The following POU6F2 variants were observed in gnomAD, a reference collection of about 807,000 sequenced individuals.
The protein encoded by POU6F2 is POU class 6 homeobox 2, also known as POU domain, class 6, transcription factor 2.
Under a neutral mutation model 71.3 loss-of-function variants are expected in POU6F2, and 31 were observed. That is an observed-to-expected ratio of 0.43 (90% CI 0.33 to 0.59). POU6F2 has a LOEUF of 0.59. POU6F2 is among the 20% of genes least tolerant of loss of function. POU6F2 has a pLI of 0.04. For missense variants in POU6F2, 783 were observed against 856.8 expected, an observed-to-expected ratio of 0.91 and a Z score of 1.07; for synonymous variants, 347 against 355.7, an observed-to-expected ratio of 0.98 and a Z score of 0.27.
intron 7 of POU6F2, among the ~76,000 whole-genome samples, chr7:39,444,907 A>G (rs1788487103): frequency 6.6e-6 from 1 of 152,220 alleles, no homozygotes; most frequent in African/African-American, 2.4e-5. Context: ...CAGTATCATT[A>G]AGGCAGGGAG....
At chr7:39,436,922 C>T (rs372034670) in intron 7 of POU6F2, among the ~76,000 whole-genome samples, 6 of 152,110 alleles carry the variant, frequency 3.9e-5, no homozygotes, top group African/African-American at 7.2e-5. Flanking sequence ...CAATGGATTA[C>T]GCTTATTCAT....
In POU6F2 at chr7:39,204,221, C is replaced by T; in HGVS notation, c.278-14C>T. ...GATCATATATTAAGGGAGTATTTCT[C>T]TTTTGAATTCCAGGGGCTAGAGGAA... On this transcript the variant is annotated splice_polypyrimidine_tract_variant and intron_variant, in intron 2 of 9. Transcript: ENST00000518318. The T allele has an allele frequency of 2.5e-6, 4 of 1,608,796 alleles. No individual in the cohort carries two copies. Among genetic ancestry groups the T allele is most frequent in the Non-Finnish European group, 3.4e-6 (4 of 1,175,682 alleles).
In POU6F2 at chr7:39,207,574, A is replaced by C. The variant is rs544859176; in HGVS notation, c.552A>C (p.Ala184=). 1.9e-6 allele frequency: 3 copies of C among 1,614,014 alleles called. No homozygotes were observed. In the East Asian group the frequency reaches 6.7e-5, roughly 36 times the overall value. ...NLTNIQGLVA[A]AAAGGIMTLP... is the part of the protein sequence containing the mutation. Reference sequence around the variant, plus strand: ...CCAACATCCAAGGGCTGGTGGCAGCAGCTGCAGCCGGAGGCATTATGACTC... The same window carrying C: ...CCAACATCCAAGGGCTGGTGGCAGCCGCTGCAGCCGGAGGCATTATGACTC... Residue 184 remains alanine (A), a synonymous_variant, in exon 4 of 10, where the codon GCA becomes GCC. Transcript: ENST00000518318.
At chr7:39,176,031 TC>T (rs1793322168) in intron 2 of POU6F2, among the ~76,000 whole-genome samples, 2 of 152,222 alleles carry the variant, frequency 1.3e-5, no homozygotes, top group African/African-American at 4.8e-5. Context: ...TTCTCATTTT[TC>T]TTTTTGTTTT....
At chr7:39,405,142 A>C (rs931519782) in intron 5 of POU6F2, 1 of 152,238 alleles carries the variant, frequency 6.6e-6, no homozygotes, top group Non-Finnish European at 1.5e-5. Flanking sequence ...AGTTGTGTGA[A>C]ATTTAGTTAT....
At chr7:39,286,251 C>T (rs534150279) in intron 4 of POU6F2, among the ~76,000 whole-genome samples, 1 of 152,262 alleles carries the variant, frequency 6.6e-6, no homozygotes, top group Admixed American at 6.5e-5. Context: ...GACTCTAGAG[C>T]TGTTAACCAA....
At chr7:39,294,629 C>G (rs1784816079) in intron 4 of POU6F2, among the ~76,000 whole-genome samples, 1 of 152,012 alleles carries the variant, frequency 6.6e-6, no homozygotes, top group South Asian at 2.1e-4. Context: ...TGTTGTTTCA[C>G]TAGTTGCTGT....
intron 2 of POU6F2, among the ~76,000 whole-genome samples, chr7:39,135,006 G>A (rs1792361337): frequency 7.0e-6 from 1 of 142,324 alleles, no homozygotes; most frequent in African/African-American, 2.6e-5. Context: ...AAAAGAAAAT[G>A]TATAGACTGA....
At chr7:39,094,539 A>G (rs1791417886) in intron 2 of POU6F2, among the ~76,000 whole-genome samples, 1 of 152,150 alleles carries the variant, frequency 6.6e-6, no homozygotes, top group South Asian at 2.1e-4. Context: ...ACAATAAAGA[A>G]ATCATATTTT....
intron 1 of POU6F2, among the ~76,000 whole-genome samples, chr7:38,999,616 G>A (rs1788840670): frequency 6.6e-6 from 1 of 152,150 alleles, no homozygotes; most frequent in South Asian, 2.1e-4. Context: ...TCTATGCAGA[G>A]GTGACAACTG....
chr7:39,366,980 G>GGT (rs748390134), intron 5 of POU6F2, among the ~76,000 whole-genome samples: 6 of 151,942 alleles, frequency 3.9e-5, no homozygotes, highest in Non-Finnish European at 7.4e-5. Flanking sequence ...AGAGAGGAGG[G>GGT]GTGAGTTTTT....
In POU6F2 at chr7:39,146,139, AATG is replaced by A. The variant is rs570792301; in HGVS notation, c.278-58090_278-58088del. On this transcript the variant is annotated intron_variant, in intron 2 of 9. Transcript: ENST00000518318. ...ATGTTATGGGAGGAAGAGCACTGGA[AATG>A]ATGATCTAATTTACTTCAAAGGAGG... Among the ~76,000 whole-genome samples the A allele has an allele frequency of 8.5e-5, 13 of 152,294 alleles. No homozygotes were observed. In the East Asian group the frequency reaches 2.5e-3, roughly 29 times the overall value.
chr7:39,089,846 A>T (rs1292719403), intron 2 of POU6F2, among the ~76,000 whole-genome samples: 1 of 152,184 alleles, frequency 6.6e-6, no homozygotes, highest in Non-Finnish European at 1.5e-5. Flanking sequence ...AAGATGATTT[A>T]TTAACAGTGT....
intron 4 of POU6F2, among the ~76,000 whole-genome samples, chr7:39,247,972 G>A (rs564440872): frequency 1.3e-5 from 2 of 152,226 alleles, no homozygotes; most frequent in South Asian, 4.1e-4. Context: ...CTTTTCCTAA[G>A]AAATTATACA....
chr7:39,193,963 C>T (rs1325839879), intron 2 of POU6F2, among the ~76,000 whole-genome samples: 1 of 152,098 alleles, frequency 6.6e-6, no homozygotes, highest in Non-Finnish European at 1.5e-5. Context: ...TATACAAAGT[C>T]ATTAGTGTAT....
At position 39,412,721 on chromosome 7, in the gene POU6F2, C is replaced by T. The variant is rs543557190; in HGVS notation, c.1113+5981C>T. Among the ~76,000 whole-genome samples the T allele has an allele frequency of 1.2e-4, 14 of 120,712 alleles. 1 individual carries two copies. The East Asian group carries it at 3.3e-3, about 29-fold the overall frequency. 79.2% of individuals were successfully genotyped at this position (120,712 alleles called of 152,430 possible). A position where few individuals can be genotyped will look rare whatever the true frequency, so the allele number is the denominator to read the frequency against. On this transcript the variant is annotated intron_variant, in intron 6 of 9. Transcript: ENST00000518318. ...TTTGCAAAACAATACAAAAGGCACT[C>T]TTGTTTAACCACCTAGATATTAACA...
intron 1 of POU6F2, among the ~76,000 whole-genome samples, chr7:39,037,705 C>A (rs1407397139): frequency 6.6e-6 from 1 of 151,782 alleles, no homozygotes; most frequent in Non-Finnish European, 1.5e-5. Flanking sequence ...TACCACAGAC[C>A]AAATCATGTT....
At chr7:39,213,175 A>G (rs1466682664) in intron 4 of POU6F2, among the ~76,000 whole-genome samples, 1 of 152,232 alleles carries the variant, frequency 6.6e-6, no homozygotes, top group Non-Finnish European at 1.5e-5. Context: ...AAATACATTA[A>G]AGAGTGCTGC....
chr7:39,235,374 T>A (rs1794657376), intron 4 of POU6F2, among the ~76,000 whole-genome samples: 1 of 152,208 alleles, frequency 6.6e-6, no homozygotes, highest in South Asian at 2.1e-4. Flanking sequence ...ATACACATAA[T>A]GATTTTATGA....
Sources: gnomAD v4.1 joint callset for allele counts (sites outside exome capture counted in the v4.1 genomes callset) on GRCh38, gnomAD v4.1.1 for gene constraint, MANE v1.5 for transcripts, NCBI Gene and HGNC (gene_info 2026-07-23, HGNC 2026-07-21) for gene names.